Variants in ZNF469 observed in about 807,000 individuals in gnomAD.
ZNF469 encodes the protein zinc finger protein 469.
A neutral mutation model predicts 1.0 loss-of-function variants in ZNF469; 1 was observed. The ratio of observed to expected loss-of-function variants is 1.00; its 90% CI spans 0.35 to 4.73. The LOEUF (loss-of-function observed/expected upper bound fraction) is 4.73, where lower values mean the gene tolerates loss of function less well. ZNF469 is among the 30% of genes most tolerant of loss of function. The pLI, the probability that ZNF469 is intolerant of heterozygous loss-of-function variation, is 0.16. For synonymous variants in ZNF469, 2,703 were observed against 2,363.4 expected (o/e 1.14, Z -4.17); for missense variants, 6,100 against 5,356.3 (o/e 1.14, Z -4.33).
intron 1 of ZNF469, among the ~76,000 whole-genome samples, chr16:88,387,416 C>A (rs1049750356): frequency 6.6e-6 from 1 of 152,178 alleles, no homozygotes; most frequent in Admixed American, 6.5e-5. Context: ...ACTCGGGCCG[C>A]GGTCAGCACA....
chr16:88,103,760 G>C, the ZNF469 span, among the ~76,000 whole-genome samples: 2 of 145,752 alleles, frequency 1.4e-5, no homozygotes. Context: ...CCGTGGCACG[G>C]GGGTGGGTGG....
the ZNF469 span, among the ~76,000 whole-genome samples, chr16:88,151,964 C>T: frequency 1.3e-5 from 2 of 152,304 alleles, no homozygotes; most frequent in Non-Finnish European, 2.9e-5. This position sits in a 1 kb window ranked among gnomAD's most constrained non-coding sequence, Gnocchi z 5.4. Flanking sequence ...GATGTTTCTG[C>T]GGAGGAGCTG....
chr16:88,143,218 G>C, the ZNF469 span, among the ~76,000 whole-genome samples: 1 of 152,248 alleles, frequency 6.6e-6, no homozygotes, highest in Non-Finnish European at 1.5e-5. Flanking sequence ...GTGCTTGATC[G>C]TTTTGTGCCT....
In ZNF469 at chr16:88,438,214, G is replaced by C. The variant is rs757512156; in HGVS notation, c.10744G>C (p.Ala3582Pro). The part of the protein sequence containing the change: ...DGALERPENE[A>P]SPGSPGPLLQ... ...AGCCCTGGAGAGGCCAGAGAACGAG[G>C]CTTCCCCAGGCAGCCCCGGGCCTCT... Residue 3582 changes from alanine to proline, a missense_variant, in exon 3 of 3, where the codon GCT becomes CCT. Coordinates refer to ENST00000565624, the MANE Select transcript of ZNF469 (RefSeq NM_001367624.2). 7 of 1,546,788 alleles carry C rather than the reference G, an allele frequency of 4.5e-6. No individual in the cohort carries two copies. The highest frequency in any genetic ancestry group is 1.2e-5 in the South Asian group (1 of 83,960).
At chr16:88,326,686 C>T in the ZNF469 span, among the ~76,000 whole-genome samples, 1 of 152,152 alleles carries the variant, frequency 6.6e-6, no homozygotes, top group East Asian at 1.9e-4. Context: ...GGGGTGTTTG[C>T]TTTAACGTCA....
chr16:88,283,151 C>T, the ZNF469 span, among the ~76,000 whole-genome samples: 4 of 151,926 alleles, frequency 2.6e-5, no homozygotes, highest in African/African-American at 7.3e-5. Context: ...GGTGAGCAGT[C>T]GTCTAGGGGG....
chr16:88,431,139 G>C lies in ZNF469; in HGVS notation c.3669G>C (p.Gln1223His), dbSNP rs1399977145. The change falls in exon 3 of 3, where the codon CAG becomes CAC. Residue 1223 changes from glutamine to histidine, a missense_variant. Gln to His is a conservative substitution (Grantham distance 24). Transcript: ENST00000565624. ...EETRPSLDFPQEAKEPETAEE... is the reference protein window; with the variant it reads ...EETRPSLDFPHEAKEPETAEE... ...CCCGCCCGTCGCTGGACTTTCCCCA[G>C]GAGGCCAAGGAGCCTGAAACTGCCG... The C allele has an allele frequency of 3.2e-6, 5 of 1,550,080 alleles. No individual in the cohort carries two copies. The East Asian group carries it at 1.2e-4, about 38-fold the overall frequency.
the ZNF469 span, among the ~76,000 whole-genome samples, chr16:88,324,388 G>A: frequency 4.6e-5 from 7 of 152,256 alleles, no homozygotes; most frequent in East Asian, 1.9e-4. Context: ...CAGCTGTGCC[G>A]TCTGGGATGT....
the ZNF469 span, among the ~76,000 whole-genome samples, chr16:88,215,173 A>C: frequency 2.2e-4 from 33 of 152,276 alleles, no homozygotes; most frequent in African/African-American, 7.9e-4. Context: ...GTAGTCATTA[A>C]ATTGGAGTAG....
chr16:88,275,596 C>T, the ZNF469 span, among the ~76,000 whole-genome samples: 59 of 152,314 alleles, frequency 3.9e-4, no homozygotes, highest in African/African-American at 1.4e-3. Flanking sequence ...GAGGGAGGCG[C>T]GGCTTTCTCC....
At chr16:88,118,925 A>G in the ZNF469 span, among the ~76,000 whole-genome samples, 3 of 152,180 alleles carry the variant, frequency 2.0e-5, no homozygotes, top group Non-Finnish European at 4.4e-5. Context: ...TTCCACGGAG[A>G]TGCAGTTCAC....
chr16:88,250,249 C>G, the ZNF469 span, among the ~76,000 whole-genome samples: 1 of 152,194 alleles, frequency 6.6e-6, no homozygotes. Context: ...CCATTTTCAC[C>G]TCTATCACCT....
the ZNF469 span, among the ~76,000 whole-genome samples, chr16:88,243,940 AT>A: frequency 4.0e-4 from 46 of 115,264 alleles, 5 homozygotes; most frequent in South Asian, 4.7e-3. Flanking sequence ...ATATATATAT[AT>A]ATATATATAT....
At chr16:88,356,306 C>G in the ZNF469 span, among the ~76,000 whole-genome samples, 1 of 152,136 alleles carries the variant, frequency 6.6e-6, no homozygotes, top group Non-Finnish European at 1.5e-5. Context: ...TGCCACTGCC[C>G]AGCTGTGAGC....
chr16:88,256,890 CTT>C, the ZNF469 span, among the ~76,000 whole-genome samples: 1 of 52,080 alleles, frequency 1.9e-5, no homozygotes, highest in African/African-American at 7.7e-5. Context: ...CTTTTCTTTT[CTT>C]TCCTTCTTTC....
chr16:88,235,057 G>A, the ZNF469 span, among the ~76,000 whole-genome samples: 2 of 152,186 alleles, frequency 1.3e-5, no homozygotes, highest in African/African-American at 4.8e-5. Context: ...GGTCCTGCAG[G>A]GCCCCGGCCT....
At chr16:88,267,828 T>C in the ZNF469 span, among the ~76,000 whole-genome samples, 64 of 152,214 alleles carry the variant, frequency 4.2e-4, no homozygotes, top group African/African-American at 4.8e-4. Flanking sequence ...GAGTGTCCAG[T>C]AGGTTTCACT....
At chr16:88,345,008 G>A in the ZNF469 span, among the ~76,000 whole-genome samples, 3 of 152,224 alleles carry the variant, frequency 2.0e-5, no homozygotes, top group African/African-American at 7.2e-5. Context: ...GGTTTGGCTG[G>A]TCAGGCCCAG....
At chr16:88,289,069 GTGA>G in the ZNF469 span, among the ~76,000 whole-genome samples, 9 of 151,578 alleles carry the variant, frequency 5.9e-5, no homozygotes, top group Admixed American at 1.3e-4. Context: ...GGTGATGAGG[GTGA>G]TGATGATGAG....
Sources: allele counts gnomAD v4.1 joint callset (sites outside exome capture counted in the v4.1 genomes callset), GRCh38; gene constraint gnomAD v4.1.1; non-coding constraint Gnocchi (gnomAD v3.1); transcripts MANE v1.5; gene names NCBI Gene and HGNC (gene_info 2026-07-23, HGNC 2026-07-21).